Variants in FMN1 observed in about 807,000 individuals in gnomAD.
FMN1 encodes formin 1.
A neutral mutation model predicts 132.4 loss-of-function variants in FMN1; 110 were observed. The observed-to-expected ratio is 0.83, with a 90% CI of 0.71 to 0.97. FMN1 has a LOEUF of 0.97. FMN1 is among the 50% of genes least tolerant of loss of function. FMN1 has a pLI of 0.00. For missense variants in FMN1, 1,792 were observed against 1,705.3 expected, an observed-to-expected ratio of 1.05 and a Z score of -0.90; for synonymous variants, 722 against 651.7, an observed-to-expected ratio of 1.11 and a Z score of -1.64.
intron 4 of FMN1, among the ~76,000 whole-genome samples, chr15:33,100,919 TAA>T (rs2039268582): frequency 6.6e-6 from 1 of 152,176 alleles, no homozygotes; most frequent in South Asian, 2.1e-4. Flanking sequence ...ATGTAATACA[TAA>T]GAAAATGTTC....
At chr15:33,128,481 G>A (rs911893990) in intron 4 of FMN1, among the ~76,000 whole-genome samples, 2 of 152,158 alleles carry the variant, frequency 1.3e-5, no homozygotes, top group East Asian at 1.9e-4. Flanking sequence ...TTTATAAAAA[G>A]CCTCATGCAA....
chr15:33,134,469 C>G lies in FMN1; in HGVS notation c.1867+18579G>C, dbSNP rs1963678054. Among the ~76,000 whole-genome samples, 2 of 152,246 alleles carry G rather than the reference C, an allele frequency of 1.3e-5. 1 individual carries two copies. The highest frequency in any genetic ancestry group is 6.8e-3 in the Middle Eastern group (2 of 294). On this transcript the variant is annotated intron_variant, in intron 4 of 20. Coordinates refer to ENST00000616417, the MANE Select transcript of FMN1 (RefSeq NM_001277313.2). ...TTGGCATGTAAATGCAGTTTCAAAA[C>G]AAGTTCTCTAGCTGCCTCATCACCT...
intron 17 of FMN1, among the ~76,000 whole-genome samples, chr15:32,836,074 T>A (rs2058617783): frequency 1.3e-5 from 2 of 152,024 alleles, no homozygotes; most frequent in African/African-American, 2.4e-5. Flanking sequence ...TTGCCCAGGC[T>A]CGTCTTGAAC....
At chr15:33,172,157 G>A (rs1056063129) in intron 3 of FMN1, among the ~76,000 whole-genome samples, 2 of 151,502 alleles carry the variant, frequency 1.3e-5, no homozygotes, top group East Asian at 3.9e-4. Context: ...GCAGTGAGCC[G>A]AGATCGCGCC....
chr15:33,147,929 T>C (rs1269149687), intron 4 of FMN1, among the ~76,000 whole-genome samples: 1 of 152,050 alleles, frequency 6.6e-6, no homozygotes, highest in East Asian at 1.9e-4. Flanking sequence ...TTGTGTGTTG[T>C]TTTTTGAAAA....
chr15:32,967,500 T>C lies in FMN1; in HGVS notation c.2987+1214A>G, dbSNP rs2031352904. Among the ~76,000 whole-genome samples the C allele has an allele frequency of 2.6e-5, 4 of 152,228 alleles. No individual in the cohort carries two copies. The South Asian group carries it at 6.2e-4, about 24-fold the overall frequency. ...TTCTGGGAAATGATTTTTTAGGAAA[T>C]GTCTGAGTCTTTATTGGGAAAAAGG... is the stretch of plus-strand genomic sequence containing the variant. On this transcript the variant is annotated intron_variant, in intron 8 of 20. Transcript: ENST00000616417.
At chr15:32,815,132 T>C (rs200048207) in intron 17 of FMN1, among the ~76,000 whole-genome samples, 1 of 152,034 alleles carries the variant, frequency 6.6e-6, no homozygotes, top group Non-Finnish European at 1.5e-5. Context: ...TTAGTAGAGA[T>C]GGGGTTTCCC....
At chr15:33,062,071 A>G (rs1387263387) in intron 6 of FMN1, among the ~76,000 whole-genome samples, 3 of 152,202 alleles carry the variant, frequency 2.0e-5, no homozygotes, top group Non-Finnish European at 4.4e-5. Flanking sequence ...AATTAAAAAC[A>G]AATGATAAAA....
At chr15:33,007,922 C>T (rs1489609744) in intron 7 of FMN1, 92 bp downstream of exon 7, 1 of 1,084,442 alleles carries the variant, frequency 9.2e-7, no homozygotes, top group African/African-American at 1.6e-5. Flanking sequence ...TCTAGTTTAA[C>T]ACTTCAACTT....
chr15:32,988,652 G>A (rs534492928), intron 7 of FMN1, among the ~76,000 whole-genome samples: 5 of 152,302 alleles, frequency 3.3e-5, no homozygotes, highest in East Asian at 1.9e-4. Context: ...TCCTGCCTGC[G>A]TGGTCTTGAG....
intron 6 of FMN1, among the ~76,000 whole-genome samples, chr15:33,056,178 C>G (rs1027017680): frequency 2.0e-5 from 3 of 152,316 alleles, no homozygotes; most frequent in Middle Eastern, 3.4e-3. Flanking sequence ...TGCCCTATTA[C>G]CAGCAATTCT....
At chr15:33,001,279 G>C (rs992401972) in intron 7 of FMN1, among the ~76,000 whole-genome samples, 1 of 151,588 alleles carries the variant, frequency 6.6e-6, no homozygotes, top group Non-Finnish European at 1.5e-5. Context: ...GTAAGACTCC[G>C]TCTCAAAAAG....
intron 4 of FMN1, among the ~76,000 whole-genome samples, chr15:33,135,651 G>A (rs1963733224): frequency 6.6e-6 from 1 of 152,204 alleles, no homozygotes; most frequent in Non-Finnish European, 1.5e-5. Flanking sequence ...TGGCTGGCAA[G>A]GACTGTGTAA....
At chr15:33,004,661 C>T (rs1366322219) in intron 7 of FMN1, among the ~76,000 whole-genome samples, 3 of 152,116 alleles carry the variant, frequency 2.0e-5, no homozygotes, top group Non-Finnish European at 4.4e-5. Flanking sequence ...CTAGAAATAC[C>T]ATTTGACCCA....
intron 4 of FMN1, among the ~76,000 whole-genome samples, chr15:33,125,699 T>G (rs1330188139): frequency 2.2e-5 from 2 of 92,490 alleles, no homozygotes; most frequent in East Asian, 7.5e-4. Context: ...ATTAGTCAGG[T>G]GTCTCAAAAA....
intron 4 of FMN1, among the ~76,000 whole-genome samples, chr15:33,126,002 T>G (rs921196826): frequency 7.1e-6 from 1 of 140,236 alleles, no homozygotes; most frequent in African/African-American, 3.2e-5. Context: ...CTTCTAAATC[T>G]ACACATGAGA....
intron 3 of FMN1, among the ~76,000 whole-genome samples, chr15:33,166,404 T>C (rs138500104): frequency 1.5e-3 from 230 of 152,198 alleles, no homozygotes; most frequent in African/African-American, 5.2e-3. Context: ...TATTGCGGGA[T>C]AGGATTTTAA....
intron 6 of FMN1, among the ~76,000 whole-genome samples, chr15:33,047,899 A>G (rs923061000): frequency 6.6e-6 from 1 of 152,216 alleles, no homozygotes; most frequent in African/African-American, 2.4e-5. Flanking sequence ...AGAAACTAGT[A>G]AATGAAAAAT....
chr15:33,062,831 G>A (rs902155148), intron 6 of FMN1: 2 of 152,112 alleles, frequency 1.3e-5, no homozygotes, highest in Non-Finnish European at 2.9e-5. Flanking sequence ...AAAACCTTAT[G>A]AGAGATTTTC....
Sources: allele counts gnomAD v4.1 joint callset (sites outside exome capture counted in the v4.1 genomes callset), GRCh38; gene constraint gnomAD v4.1.1; transcripts MANE v1.5; gene names NCBI Gene and HGNC (gene_info 2026-07-23, HGNC 2026-07-21).